Variants in ARB2A observed in about 807,000 individuals in gnomAD.
The protein encoded by ARB2A is cotranscriptional regulator ARB2A.
At chr5:93,856,515 G>A in the ARB2A span, among the ~76,000 whole-genome samples, 8 of 152,002 alleles carry the variant, frequency 5.3e-5, no homozygotes, top group African/African-American at 1.4e-4. Context: ...TTCCCTTCTC[G>A]CTTCATTTCA....
the ARB2A span, among the ~76,000 whole-genome samples, chr5:93,834,445 A>T: frequency 6.6e-6 from 1 of 152,214 alleles, no homozygotes; most frequent in African/African-American, 2.4e-5. Context: ...TTTACAAAAC[A>T]AAATATAAGG....
chr5:93,922,760 A>G, the ARB2A span, among the ~76,000 whole-genome samples: 24 of 152,030 alleles, frequency 1.6e-4, no homozygotes, highest in South Asian at 4.2e-3. Flanking sequence ...ATAAGGAAAA[A>G]GACATAGAAG....
At chr5:93,817,879 T>C in the ARB2A span, among the ~76,000 whole-genome samples, 1 of 152,090 alleles carries the variant, frequency 6.6e-6, no homozygotes, top group East Asian at 1.9e-4. Flanking sequence ...TTCTGTACTT[T>C]GGAGGAAATC....
the ARB2A span, among the ~76,000 whole-genome samples, chr5:93,975,086 A>G: frequency 6.6e-6 from 1 of 151,992 alleles, no homozygotes; most frequent in Non-Finnish European, 1.5e-5. Context: ...AGGCTGAGGC[A>G]GGCGGATCAA....
chr5:93,773,985 G>A, the ARB2A span, among the ~76,000 whole-genome samples: 1 of 152,124 alleles, frequency 6.6e-6, no homozygotes, highest in Non-Finnish European at 1.5e-5. Context: ...TTTGTAGCCT[G>A]GGCTGGTATC....
At chr5:93,799,591 T>C in the ARB2A span, among the ~76,000 whole-genome samples, 1 of 152,146 alleles carries the variant, frequency 6.6e-6, no homozygotes, top group East Asian at 1.9e-4. Flanking sequence ...TAACTTTTTA[T>C]AGCCAAAAGC....
At chr5:94,073,211 G>C in the ARB2A span, among the ~76,000 whole-genome samples, 1 of 152,116 alleles carries the variant, frequency 6.6e-6, no homozygotes, top group Admixed American at 6.5e-5. Context: ...TTGCTAACTT[G>C]TTCTAAAATA....
the ARB2A span, among the ~76,000 whole-genome samples, chr5:94,089,592 T>TACACACACACAC: frequency 1.3e-5 from 1 of 79,752 alleles, no homozygotes; most frequent in Non-Finnish European, 2.6e-5. Flanking sequence ...TAAAACCGTT[T>TACACACACACAC]ATACACACAC....
At chr5:93,845,593 G>A in the ARB2A span, among the ~76,000 whole-genome samples, 2 of 152,184 alleles carry the variant, frequency 1.3e-5, no homozygotes, top group East Asian at 3.8e-4. Context: ...CACAATCAGA[G>A]TATGACCAAA....
chr5:93,989,953 G>A, the ARB2A span, among the ~76,000 whole-genome samples: 14 of 151,952 alleles, frequency 9.2e-5, no homozygotes, highest in East Asian at 2.7e-3. Flanking sequence ...AATCTCAAAG[G>A]CAAATAGTCA....
At chr5:93,931,665 A>G in the ARB2A span, among the ~76,000 whole-genome samples, 4 of 152,310 alleles carry the variant, frequency 2.6e-5, no homozygotes, top group African/African-American at 9.6e-5. Flanking sequence ...AAGTACACAA[A>G]GTACAAAAGT....
chr5:93,950,954 A>AAAAAT, the ARB2A span, among the ~76,000 whole-genome samples: 47 of 147,884 alleles, frequency 3.2e-4, no homozygotes, highest in South Asian at 6.4e-4. Context: ...AAAAAAAAAA[A>AAAAAT]AAAATAAAAT....
At chr5:93,753,044 T>C in the ARB2A span, among the ~76,000 whole-genome samples, 1 of 152,216 alleles carries the variant, frequency 6.6e-6, no homozygotes, top group Non-Finnish European at 1.5e-5. Context: ...GCTATACTTC[T>C]TGACTAGTAC....
chr5:94,013,872 A>G, the ARB2A span, among the ~76,000 whole-genome samples: 1 of 152,190 alleles, frequency 6.6e-6, no homozygotes, highest in Non-Finnish European at 1.5e-5. Context: ...GTAGATAGTA[A>G]GAGAATTGGA....
the ARB2A span, among the ~76,000 whole-genome samples, chr5:93,697,141 C>A: frequency 6.7e-6 from 1 of 150,104 alleles, no homozygotes; most frequent in Admixed American, 6.7e-5. Context: ...GATAATCCAT[C>A]TCCCTATTAG....
the ARB2A span, among the ~76,000 whole-genome samples, chr5:93,842,576 C>G: frequency 6.6e-6 from 1 of 152,114 alleles, no homozygotes; most frequent in South Asian, 2.1e-4. Flanking sequence ...AAAATGACAA[C>G]ATTTTGGAAG....
chr5:93,831,838 T>A, the ARB2A span, among the ~76,000 whole-genome samples: 1 of 152,106 alleles, frequency 6.6e-6, no homozygotes, highest in East Asian at 1.9e-4. Context: ...CTGTCAGCAG[T>A]AGGAAAGAGA....
the ARB2A span, among the ~76,000 whole-genome samples, chr5:93,941,242 C>T: frequency 6.6e-6 from 1 of 152,080 alleles, no homozygotes; most frequent in African/African-American, 2.4e-5. Context: ...ATGTTACACA[C>T]TCTCTCACTC....
chr5:93,847,230 T>C, the ARB2A span, among the ~76,000 whole-genome samples: 1 of 152,198 alleles, frequency 6.6e-6, no homozygotes, highest in African/African-American at 2.4e-5. Context: ...TCTCTTGCTG[T>C]TTCCACCTCA....
Sources: allele counts gnomAD v4.1 joint callset (sites outside exome capture counted in the v4.1 genomes callset), GRCh38; gene constraint gnomAD v4.1.1; transcripts MANE v1.5; gene names NCBI Gene and HGNC (gene_info 2026-07-23, HGNC 2026-07-21).